BCL2L12: variants seen among roughly 807,000 people sequenced by gnomAD.
BCL2L12 encodes bcl-2-like protein 12.
A neutral mutation model predicts 25.7 loss-of-function variants in BCL2L12; 27 were observed. That is an observed-to-expected ratio of 1.05 (90% CI 0.78 to 1.45). The LOEUF is 1.45. Ranked by LOEUF, BCL2L12 falls within the 40% of genes most tolerant of loss-of-function variation. The pLI, the probability that BCL2L12 is intolerant of heterozygous loss-of-function variation, is 0.00. For missense variants in BCL2L12, 302 were observed against 329.8 expected (o/e 0.92, Z 0.65); for synonymous variants, 132 against 145.6 (o/e 0.91, Z 0.67).
Position 49,669,028 on chromosome 19 carries a change from A to G in BCL2L12, c.342A>G (p.Leu114=), listed in dbSNP as rs1023882774. Residue 114 remains leucine (L), a synonymous_variant, in exon 5 of 7, where the codon TTA becomes TTG. Coordinates refer to ENST00000246784, the MANE Select transcript of BCL2L12 (RefSeq NM_138639.2). ...EQLKSPPSPE[L]QGPPSTEKEA... ...CAAATTCTCTTCTGCCTCCAGAATTACAGGGTCCCCCATCGACAGAGAAGG... is the reference window on the plus strand; with the variant it reads ...CAAATTCTCTTCTGCCTCCAGAATTGCAGGGTCCCCCATCGACAGAGAAGG... 1 of 1,613,932 alleles carries G rather than the reference A, an allele frequency of 6.2e-7. No homozygotes were observed. The highest frequency in any genetic ancestry group is 1.3e-5 in the African/African-American group (1 of 74,916).
intron 2 of BCL2L12, 21 bp downstream of exon 2, chr19:49,666,820 C>A: frequency 1.3e-6 from 2 of 1,544,084 alleles, no homozygotes; most frequent in African/African-American, 1.4e-5. Flanking sequence ...TGGCCCTTCT[C>A]CCCCAGGGGC....
At chr19:49,665,823 G>A, upstream of BCL2L12, 1 of 1,587,608 alleles carries the variant, frequency 6.3e-7, no homozygotes. Flanking sequence ...CCCAAAAGCC[G>A]ATGGGACGGC....
At chr19:49,667,929 C>T (rs914584908) in intron 3 of BCL2L12, among the ~76,000 whole-genome samples, 9 of 151,694 alleles carry the variant, frequency 5.9e-5, no homozygotes, top group African/African-American at 1.7e-4. Context: ...TACAGGTGCA[C>T]GCCAGCATAC....
Position 49,666,678 on chromosome 19 carries a change from C to G in BCL2L12, c.-8-7C>G, listed in dbSNP as rs771834595. On this transcript the variant is annotated splice_polypyrimidine_tract_variant and splice_region_variant and intron_variant, in intron 1 of 6. Transcript: ENST00000246784. ...TGGAGTCCAGTCCCTAACCCTCTCT[C>G]TCACAGGTGCCTCCATGGCAGGCTC... 4.1e-5 allele frequency: 63 copies of G among 1,549,036 alleles called. No individual in the cohort carries two copies. Among genetic ancestry groups the G allele is most frequent in the Non-Finnish European group, 5.3e-5 (61 of 1,145,382 alleles).
In BCL2L12 at chr19:49,669,092, G is replaced by A. The variant is rs745474116; in HGVS notation, c.406G>A (p.Glu136Lys). 6.2e-7 allele frequency: 1 copy of A among 1,614,130 alleles called. No homozygotes were observed. The highest frequency in any genetic ancestry group is 1.6e-4 in the Middle Eastern group (1 of 6,062). Reference sequence around the variant, plus strand: ...GAGGCTGGTGGCCCTGCTGGAGGAGGAGGCAGAAGTCATTAACCAGAAGGT... The same window carrying A: ...GAGGCTGGTGGCCCTGCTGGAGGAGAAGGCAGAAGTCATTAACCAGAAGGT... Reference protein sequence around the residue: ...LRRLVALLEEEAEVINQKLAS... With the variant: ...LRRLVALLEEKAEVINQKLAS... The change falls in exon 5 of 7, where the codon GAG (glutamate) becomes AAG (lysine). Residue 136 changes from glutamate to lysine, a missense_variant. Coordinates refer to ENST00000246784, the MANE Select transcript of BCL2L12 (RefSeq NM_138639.2).
rs148185263 is a variant in BCL2L12 at position 49,665,949 on chromosome 19, C to G, written c.-127C>G. ...GCGTTCCGCCCTTTCTACGCTGGGC[C>G]GGTTATCGACCCGGCCCAGTGCGCA... On this transcript the variant is annotated 5_prime_UTR_variant, in exon 1 of 7. Coordinates refer to ENST00000246784, the MANE Select transcript of BCL2L12 (RefSeq NM_138639.2). The G allele has an allele frequency of 6.2e-7, 1 of 1,613,602 alleles. No individual in the cohort carries two copies. The highest frequency in any genetic ancestry group is 1.1e-5 in the South Asian group (1 of 91,060).
Position 49,668,250 on chromosome 19 carries a change from C to T in BCL2L12, c.251-601C>T, listed in dbSNP as rs547940906. Among the ~76,000 whole-genome samples, 25 of 152,080 alleles carry T rather than the reference C, an allele frequency of 1.6e-4. No homozygotes were observed. In the East Asian group the frequency reaches 3.5e-3, roughly 21 times the overall value. Reference sequence around the variant, plus strand: ...AGCTGGGATTATAGGCATGCGCCACCATGCCCGGCTAATTTTTTTTGTATT... The same window carrying T: ...AGCTGGGATTATAGGCATGCGCCACTATGCCCGGCTAATTTTTTTTGTATT... On this transcript the variant is annotated intron_variant, in intron 3 of 6. Coordinates refer to ENST00000246784, the MANE Select transcript of BCL2L12 (RefSeq NM_138639.2).
chr19:49,665,456 T>A (rs985344763), upstream of BCL2L12: 1 of 203,412 alleles, frequency 4.9e-6, no homozygotes, highest in Non-Finnish European at 1.0e-5. Flanking sequence ...CTTTCCTCCC[T>A]ACTTTTTCTA....
chr19:49,667,960 A>G (rs911437231), intron 3 of BCL2L12, among the ~76,000 whole-genome samples: 4 of 151,816 alleles, frequency 2.6e-5, no homozygotes, highest in African/African-American at 9.7e-5. Context: ...TTATACTTTT[A>G]GTAGACACGG....
chr19:49,673,613 C>G, intron 6 of BCL2L12, 85 bp from the exon 7 acceptor site: 1 of 1,178,496 alleles, frequency 8.5e-7, no homozygotes, highest in South Asian at 1.2e-5. Context: ...CTTCCCGTCT[C>G]TAATCTCACA....
chr19:49,670,486 T>C lies in BCL2L12; in HGVS notation c.700T>C (p.Trp234Arg). Residue 234 changes from tryptophan (W) to arginine (R), a missense_variant and splice_region_variant, in exon 6 of 7, where the codon TGG (tryptophan) becomes CGG (arginine). Trp to Arg is a moderately radical substitution (Grantham distance 101, BLOSUM62 -3). Transcript: ENST00000246784. ...FTPWIQAHGG[W>R]EGILAVSPVD... ...GCCCTGGATCCAGGCCCACGGGGGC[T>C]GGGTGAGCCGCTGAAGCCTCTCTCT... 6.5e-7 allele frequency: 1 copy of C among 1,537,512 alleles called. No individual in the cohort carries two copies. The highest frequency in any genetic ancestry group is 1.2e-5 in the South Asian group (1 of 82,670).
chr19:49,669,169 G>C (rs946353587), intron 5 of BCL2L12, 54 bp downstream of exon 5: 2 of 1,597,774 alleles, frequency 1.3e-6, no homozygotes, highest in Non-Finnish European at 8.5e-7. Context: ...GGAATGGTGG[G>C]GCACTGGGAT....
intron 5 of BCL2L12, among the ~76,000 whole-genome samples, chr19:49,669,932 A>C (rs1390273018): frequency 6.6e-6 from 1 of 151,948 alleles, no homozygotes; most frequent in Non-Finnish European, 1.5e-5. Flanking sequence ...GGGAAAGGTC[A>C]CCAGGGGCAT....
At chr19:49,665,682 G>A (rs1039602141), upstream of BCL2L12, 3 of 1,183,066 alleles carry the variant, frequency 2.5e-6, no homozygotes, top group Non-Finnish European at 3.5e-6. Context: ...CCCTGTCTTG[G>A]AGCTCCGGGT....
intron 3 of BCL2L12, 65 bp downstream of exon 3, chr19:49,667,226 C>T: frequency 2.5e-6 from 4 of 1,581,296 alleles, no homozygotes; most frequent in Non-Finnish European, 3.5e-6. Flanking sequence ...AGTTTAAGAT[C>T]ACTCAGCTAG....
rs1381156421 is a variant in BCL2L12 at position 49,668,900 on chromosome 19, G to C, written c.300G>C (p.Gln100His). 1.9e-6 allele frequency: 3 copies of C among 1,613,592 alleles called. No homozygotes were observed. The highest frequency in any genetic ancestry group is 3.3e-5 in the Admixed American group (2 of 60,002). Reference sequence around the variant, plus strand: ...CTTTGGTGGCCCAGCGGCTGGAACAGCTGGTCCAAGAGCAGCTGAAATCTC... The same window carrying C: ...CTTTGGTGGCCCAGCGGCTGGAACACCTGGTCCAAGAGCAGCTGAAATCTC... Reference protein sequence around the residue: ...FYALVAQRLEQLVQEQLKSPP... With the variant: ...FYALVAQRLEHLVQEQLKSPP... Residue 100 changes from glutamine to histidine, a missense_variant, in exon 4 of 7, where the codon CAG becomes CAC. Gln to His is a conservative substitution (Grantham distance 24). Transcript: ENST00000246784.
Position 49,672,208 on chromosome 19 carries a change from A to C in BCL2L12, c.703-1490A>C, listed in dbSNP as rs2081974351. The C allele has an allele frequency of 6.6e-6, 1 of 152,282 alleles. No homozygotes were observed. Among genetic ancestry groups the C allele is most frequent in the African/African-American group, 2.4e-5 (1 of 41,432 alleles). The allele number at this position is 152,282 out of a possible 1,614,324, so 9.4% of individuals were successfully genotyped here. ...CACTCTCCCCACTGGTCCAGTGAGC[A>C]CCGTCTCATTTACCTGCCTTGGGGG... On this transcript the variant is annotated intron_variant, in intron 6 of 6. Transcript: ENST00000246784. This position sits in a 1 kb window ranked among gnomAD's most constrained non-coding sequence, Gnocchi z 4.1.
intron 3 of BCL2L12, among the ~76,000 whole-genome samples, 172 bp downstream of exon 3, chr19:49,667,333 G>A (rs1191197758): frequency 6.6e-6 from 1 of 152,144 alleles, no homozygotes; most frequent in Admixed American, 6.5e-5. Context: ...CTGTGGGTTG[G>A]CTTTCAGAGA....
In BCL2L12 at chr19:49,670,207, A is replaced by T. The variant is rs2081926647; in HGVS notation, c.430-9A>T. 6.3e-7 allele frequency: 1 copy of T among 1,599,482 alleles called. No individual in the cohort carries two copies. The highest frequency in any genetic ancestry group is 1.3e-5 in the African/African-American group (1 of 74,432). The stretch of plus-strand genomic sequence containing the variant: ...TGCTGACGCGGACCCTGCCTCTTCC[A>T]CCCTACAGCTGGCCTCGGACCCCGC... On this transcript the variant is annotated splice_polypyrimidine_tract_variant and intron_variant, in intron 5 of 6. Transcript: ENST00000246784.
Sources: allele counts gnomAD v4.1 joint callset (sites outside exome capture counted in the v4.1 genomes callset), GRCh38; gene constraint gnomAD v4.1.1; non-coding constraint Gnocchi (gnomAD v3.1); transcripts MANE v1.5; gene names NCBI Gene and HGNC (gene_info 2026-07-23, HGNC 2026-07-21).